Variants in YARS1 observed in about 807,000 individuals in gnomAD.
The protein encoded by YARS1 is tyrosine--tRNA ligase, cytoplasmic.
A neutral mutation model predicts 62.2 loss-of-function variants in YARS1; 36 were observed. The ratio of observed to expected loss-of-function variants is 0.58; its 90% CI spans 0.44 to 0.76. The LOEUF (loss-of-function observed/expected upper bound fraction) is 0.76, where lower values mean the gene tolerates loss of function less well. Among genes scored for constraint, YARS1 ranks in the 30% least tolerant of loss-of-function variants. The pLI, the probability that YARS1 is intolerant of heterozygous loss-of-function variation, is 0.00. For missense variants in YARS1, 524 were observed against 639.8 expected, an observed-to-expected ratio of 0.82 and a Z score of 1.95; for synonymous variants, 234 against 244.9, an observed-to-expected ratio of 0.96 and a Z score of 0.42.
intron 4 of YARS1, chr1:32,798,058 G>A (rs183023773): frequency 8.3e-5 from 42 of 507,014 alleles, no homozygotes; most frequent in African/African-American, 8.0e-4. Context: ...TTTTAGTAGA[G>A]ACAACGTTTT....
At chr1:32,781,430 G>A (rs1223107158) in intron 9 of YARS1, 2 of 430,296 alleles carry the variant, frequency 4.6e-6, no homozygotes, top group Non-Finnish European at 8.7e-6. Context: ...AGAATTTACT[G>A]AGTCTTGGCC....
rs746032705 is a variant in YARS1, at chr1:32,806,496, A to G, written c.496T>C (p.Tyr166His). The G allele has an allele frequency of 4.3e-6, 7 of 1,614,134 alleles. No homozygotes were observed. Among genetic ancestry groups the G allele is most frequent in the Non-Finnish European group, 4.2e-6 (5 of 1,180,012 alleles). ...VEHPLLSGLL[Y>H]PGLQALDEEY... ...CCCTTAAGTACCTGCAGTCCGGGGTATAAGAGGCCACTCAGCAAAGGGTGC... is the reference window on the plus strand; with the variant it reads ...CCCTTAAGTACCTGCAGTCCGGGGTGTAAGAGGCCACTCAGCAAAGGGTGC... Residue 166 changes from tyrosine to histidine, a missense_variant, in exon 4 of 13, where the codon TAC becomes CAC. Physicochemically the swap from Tyr to His is moderately conservative, Grantham distance 83 (BLOSUM62 2). Coordinates refer to ENST00000373477, the MANE Select transcript of YARS1 (RefSeq NM_003680.4).
chr1:32,806,220 A>G (rs546746802), intron 4 of YARS1, among the ~76,000 whole-genome samples: 3 of 152,336 alleles, frequency 2.0e-5, no homozygotes, highest in Admixed American at 6.5e-5. Context: ...AACAGATCGC[A>G]TATCACCATG....
At chr1:32,780,466 C>G in intron 10 of YARS1, 188 bp from the exon 11 acceptor site, 2 of 657,738 alleles carry the variant, frequency 3.0e-6, no homozygotes, top group South Asian at 3.6e-5. Context: ...ATACTCTGCT[C>G]TCAACTGAGG....
chr1:32,816,132 T>TA (rs1312609992), intron 1 of YARS1, among the ~76,000 whole-genome samples: 1 of 143,368 alleles, frequency 7.0e-6, no homozygotes, highest in Non-Finnish European at 1.5e-5. Flanking sequence ...AAAAAAAAGA[T>TA]AGTGTGATGG....
At chr1:32,816,351 T>G (rs1403167361) in intron 1 of YARS1, among the ~76,000 whole-genome samples, 1 of 152,074 alleles carries the variant, frequency 6.6e-6, no homozygotes, top group East Asian at 1.9e-4. Flanking sequence ...CCTGCCTACC[T>G]CTCTTAAACA....
chr1:32,784,776 G>A (rs1653167627), intron 8 of YARS1, among the ~76,000 whole-genome samples: 1 of 151,978 alleles, frequency 6.6e-6, no homozygotes, highest in South Asian at 2.1e-4. Context: ...AGATATATAT[G>A]TAAAATGCAG....
intron 5 of YARS1, among the ~76,000 whole-genome samples, chr1:32,797,417 A>G (rs1653641852): frequency 6.6e-6 from 1 of 152,110 alleles, no homozygotes; most frequent in African/African-American, 2.4e-5. Context: ...AATGCGAACC[A>G]AATGCTCTGT....
At chr1:32,791,627 C>T (rs1388073154) in intron 5 of YARS1, among the ~76,000 whole-genome samples, 1 of 151,964 alleles carries the variant, frequency 6.6e-6, no homozygotes, top group Non-Finnish European at 1.5e-5. Context: ...CATGGTGAAA[C>T]CCCATCTCTA....
At position 32,780,110 on chromosome 1, in the gene YARS1, G is replaced by C; in HGVS notation, c.1309C>G (p.Gln437Glu). 1 of 1,614,074 alleles carries C rather than the reference G, an allele frequency of 6.2e-7. No individual in the cohort carries two copies. Among genetic ancestry groups the C allele is most frequent in the Non-Finnish European group, 8.5e-7 (1 of 1,180,018 alleles). ...KPQKMRGVES[Q>E]GMLLCASIEG... ...ATAGAAGCACACAGAAGCATGCCTT[G>C]GGACTCGACTCCTCTCATCTTCTGG... The change falls in exon 11 of 13, where the codon CAA becomes GAA. Residue 437 changes from glutamine to glutamate, a missense_variant. Gln to Glu is a conservative substitution (Grantham distance 29). Coordinates refer to ENST00000373477, the MANE Select transcript of YARS1 (RefSeq NM_003680.4).
chr1:32,786,468 G>A (rs781049754), intron 7 of YARS1, 21 bp from the exon 8 acceptor site: 1 of 1,604,060 alleles, frequency 6.2e-7, no homozygotes, highest in Non-Finnish European at 8.5e-7. Flanking sequence ...AAGGATCCAT[G>A]TCAACAAACT....
At chr1:32,801,416 A>G (rs555676753) in intron 4 of YARS1, among the ~76,000 whole-genome samples, 19 of 152,300 alleles carry the variant, frequency 1.2e-4, no homozygotes, top group African/African-American at 4.6e-4. Context: ...AACAACGTAC[A>G]TACTTTAATT....
At chr1:32,796,941 G>T (rs1272168047) in intron 5 of YARS1, among the ~76,000 whole-genome samples, 2 of 104,348 alleles carry the variant, frequency 1.9e-5, no homozygotes, top group Non-Finnish European at 1.8e-5. Context: ...CTCCAGCCTG[G>T]GTGACAATAG....
At chr1:32,807,671 T>A (rs147938757) in intron 3 of YARS1, among the ~76,000 whole-genome samples, 1 of 152,096 alleles carries the variant, frequency 6.6e-6, no homozygotes, top group South Asian at 2.1e-4. Context: ...TTGCCCAGGC[T>A]GGTCTGGAAC....
chr1:32,811,334 C>T, intron 1 of YARS1: 2 of 483,582 alleles, frequency 4.1e-6, no homozygotes, highest in South Asian at 4.1e-5. Flanking sequence ...AAGGACTTAA[C>T]TTGTGCAAGC....
At chr1:32,815,300 G>A in intron 1 of YARS1, among the ~76,000 whole-genome samples, 1 of 152,138 alleles carries the variant, frequency 6.6e-6, no homozygotes, top group East Asian at 1.9e-4. Context: ...AGTGAGCTGA[G>A]ATTGTGCCAT....
At chr1:32,809,993 G>A (rs1307848947) in intron 3 of YARS1, among the ~76,000 whole-genome samples, 1 of 151,618 alleles carries the variant, frequency 6.6e-6, no homozygotes, top group African/African-American at 2.4e-5. Flanking sequence ...GTAATCCCAG[G>A]TACTCAGGAG....
At chr1:32,777,691 C>G (rs1056732917) in intron 12 of YARS1, among the ~76,000 whole-genome samples, 1 of 152,162 alleles carries the variant, frequency 6.6e-6, no homozygotes, top group Non-Finnish European at 1.5e-5. Flanking sequence ...CTTTGCAAGG[C>G]TGAGGCGGGA....
chr1:32,806,254 C>G (rs1417206050), intron 4 of YARS1, among the ~76,000 whole-genome samples: 3 of 152,138 alleles, frequency 2.0e-5, no homozygotes, highest in Admixed American at 1.3e-4. Flanking sequence ...AATGAAAAAG[C>G]TTGAAATACT....
Sources: allele counts gnomAD v4.1 joint callset (sites outside exome capture counted in the v4.1 genomes callset), GRCh38; gene constraint gnomAD v4.1.1; transcripts MANE v1.5; gene names NCBI Gene and HGNC (gene_info 2026-07-23, HGNC 2026-07-21).